Variants in H3-3A observed in about 807,000 individuals in gnomAD.
H3-3A encodes histone H3.3.
For missense variants in H3-3A, 7 were observed against 184.0 expected (o/e 0.04, Z 5.57); for synonymous variants, 49 against 61.4 (o/e 0.80, Z 0.95).
intron 3 of H3-3A, 106 bp from the exon 4 acceptor site, chr1:226,071,245 T>G (rs987845482): frequency 1.4e-5 from 11 of 814,758 alleles, no homozygotes; most frequent in Non-Finnish European, 2.2e-5. Flanking sequence ...TCTTGCCCAG[T>G]CATTTTTTTA....
upstream of H3-3A, chr1:226,062,222 G>C (rs1052717675): frequency 6.0e-5 from 9 of 151,146 alleles, no homozygotes; most frequent in Admixed American, 5.9e-4. Context: ...GTCTCCTCGG[G>C]GGCGCGCGCC....
upstream of H3-3A, among the ~76,000 whole-genome samples, chr1:226,062,338 C>A (rs1334865059): frequency 4.6e-5 from 7 of 150,998 alleles, no homozygotes; most frequent in Admixed American, 1.3e-4. Context: ...CCCCTCCCCC[C>A]ACTTCCCTCC....
intron 2 of H3-3A, among the ~76,000 whole-genome samples, chr1:226,065,056 G>C (rs996146681): frequency 2.7e-4 from 41 of 152,206 alleles, no homozygotes; most frequent in African/African-American, 9.6e-4. Flanking sequence ...AGCTCATACA[G>C]TGGAAGAAAT....
intron 1 of H3-3A, among the ~76,000 whole-genome samples, chr1:226,063,299 C>T (rs1246765339): frequency 2.6e-5 from 4 of 152,186 alleles, no homozygotes; most frequent in Non-Finnish European, 5.9e-5. Flanking sequence ...CTTCTCTGGT[C>T]ACCGACCATA....
At chr1:226,065,881 A>C (rs371554002) in intron 3 of H3-3A, 72 bp downstream of exon 3, 1 of 1,098,954 alleles carries the variant, frequency 9.1e-7, no homozygotes, top group Non-Finnish European at 1.4e-6. Context: ...AAATTGTTGC[A>C]TGTGCTTATA....
intron 3 of H3-3A, among the ~76,000 whole-genome samples, chr1:226,070,148 CAG>C (rs1329460013): frequency 4.6e-5 from 7 of 152,126 alleles, no homozygotes; most frequent in Non-Finnish European, 8.8e-5. Context: ...TGGTAGAGGA[CAG>C]GGGCATGTTT....
chr1:226,064,951 AC>A (rs1657875820), intron 2 of H3-3A, among the ~76,000 whole-genome samples: 1 of 152,152 alleles, frequency 6.6e-6, no homozygotes, highest in Non-Finnish European at 1.5e-5. Flanking sequence ...ATTGTGAACT[AC>A]CTGAGCCACT....
intron 3 of H3-3A, among the ~76,000 whole-genome samples, chr1:226,069,859 G>A (rs1382590692): frequency 6.6e-6 from 1 of 152,122 alleles, no homozygotes; most frequent in Non-Finnish European, 1.5e-5. Context: ...AGAGTAAGCA[G>A]ATGTTTTGGC....
intron 3 of H3-3A, among the ~76,000 whole-genome samples, chr1:226,067,743 C>CAAA (rs4012724): frequency 3.4e-5 from 5 of 146,228 alleles, no homozygotes; most frequent in African/African-American, 5.0e-5. Context: ...ACTCTTGTCT[C>CAAA]AAAAAAAAAA....
chr1:226,064,014 A>G (rs906277481), intron 1 of H3-3A: 1 of 180,254 alleles, frequency 5.5e-6, no homozygotes, highest in East Asian at 1.6e-4. Context: ...ATGTTTACAG[A>G]CATTTCTAAT....
chr1:226,062,733 A>AGCCGCC lies in H3-3A; in HGVS notation c.-96_-91dup, dbSNP rs889814310. ...TCAGCCATCTTTCAATTGTGTTCGC[A>AGCCGCC]GCCGCCGCCGCGCCGCCGTCGCTCT... On this transcript the variant is annotated 5_prime_UTR_variant, in exon 1 of 4. Coordinates refer to ENST00000366815, the MANE Select transcript of H3-3A (RefSeq NM_002107.7). 2.4e-5 allele frequency: 4 copies of AGCCGCC among 164,802 alleles called. No individual in the cohort carries two copies. Among genetic ancestry groups the AGCCGCC allele is most frequent in the Admixed American group, 6.5e-5 (1 of 15,396 alleles). 10.2% of individuals were successfully genotyped at this position (164,802 alleles called of 1,614,324 possible). A position where few individuals can be genotyped will look rare whatever the true frequency, so the allele number is the denominator to read the frequency against.
Position 226,071,664 on chromosome 1 carries a change from A to G in H3-3A, c.*185A>G, listed in dbSNP as rs1018990908. On this transcript the variant is annotated 3_prime_UTR_variant, in exon 4 of 4. Transcript: ENST00000366815. ...AGGTATTGGCAGTTTTTCCATTTTC[A>G]TTTGTGTGTGAATTTTTAATATAAA... is the stretch of plus-strand genomic sequence containing the variant. 5.8e-5 allele frequency: 21 copies of G among 361,066 alleles called. No individual in the cohort carries two copies. The highest frequency in any genetic ancestry group is 5.0e-4 in the African/African-American group (20 of 40,224). The allele number at this position is 361,066 out of a possible 1,614,324, so 22.4% of individuals were successfully genotyped here.
At chr1:226,065,950 G>C in intron 3 of H3-3A, 141 bp downstream of exon 3, 1 of 740,982 alleles carries the variant, frequency 1.3e-6, no homozygotes, top group Non-Finnish European at 2.4e-6. Flanking sequence ...TGAGACTTCA[G>C]AAAGGTTAAA....
intron 3 of H3-3A, among the ~76,000 whole-genome samples, chr1:226,070,811 G>C (rs1236208369): frequency 6.6e-6 from 1 of 152,064 alleles, no homozygotes; most frequent in African/African-American, 2.4e-5. Flanking sequence ...CTTGTGATAT[G>C]TTCTGGAATC....
chr1:226,062,370 CG>C (rs1657736757), upstream of H3-3A, among the ~76,000 whole-genome samples: 1 of 151,106 alleles, frequency 6.6e-6, no homozygotes, highest in Non-Finnish European at 1.5e-5. Context: ...ACCCGGGCTT[CG>C]GGGGTTCGAC....
intron 3 of H3-3A, among the ~76,000 whole-genome samples, chr1:226,068,016 T>C (rs572951960): frequency 6.6e-6 from 1 of 152,356 alleles, no homozygotes; most frequent in African/African-American, 2.4e-5. Context: ...AAGTGGACAG[T>C]GTTGCTTTGA....
At chr1:226,064,578 GA>G (rs1026297537) in intron 2 of H3-3A, 99 bp downstream of exon 2, 2 of 945,944 alleles carry the variant, frequency 2.1e-6, no homozygotes, top group Non-Finnish European at 3.2e-6. Flanking sequence ...TTGCTTTAGA[GA>G]AACTTTTTTT....
At chr1:226,067,765 G>A (rs956015914) in intron 3 of H3-3A, among the ~76,000 whole-genome samples, 8 of 151,652 alleles carry the variant, frequency 5.3e-5, no homozygotes, top group Admixed American at 2.0e-4. Context: ...AAAGATAACA[G>A]AGGGAGAATT....
At chr1:226,064,504 G>A (rs1342235108) in intron 2 of H3-3A, 25 bp downstream of exon 2, 1 of 1,595,348 alleles carries the variant, frequency 6.3e-7, no homozygotes, top group Non-Finnish European at 8.6e-7. Context: ...GAAAAAAATG[G>A]GACAAAGTCT....
Sources: allele counts gnomAD v4.1 joint callset (sites outside exome capture counted in the v4.1 genomes callset), GRCh38; gene constraint gnomAD v4.1.1; transcripts MANE v1.5; gene names NCBI Gene and HGNC (gene_info 2026-07-23, HGNC 2026-07-21).